GPLD1: variants seen among roughly 807,000 people sequenced by gnomAD.
GPLD1 encodes the protein phosphatidylinositol-glycan-specific phospholipase D.
A neutral mutation model predicts 112.6 loss-of-function variants in GPLD1; 84 were observed. That is an observed-to-expected ratio of 0.75 (90% CI 0.63 to 0.89). The LOEUF (loss-of-function observed/expected upper bound fraction) is 0.89, where lower values mean the gene tolerates loss of function less well. Ranked by LOEUF, GPLD1 falls within the 40% of genes least tolerant of loss-of-function variation. The probability of loss-of-function intolerance (pLI) is 0.00; values close to 1 mark genes in which losing one functional copy is unlikely to be tolerated. For synonymous variants in GPLD1, 386 were observed against 403.8 expected (o/e 0.96, Z 0.53); for missense variants, 1,044 against 1,051.5 (o/e 0.99, Z 0.10).
upstream of GPLD1, chr6:24,495,260 C>A (rs759932020): frequency 9.8e-6 from 15 of 1,532,268 alleles, no homozygotes; most frequent in African/African-American, 1.2e-4. Context: ...CCGCTCTGGG[C>A]ATGGTAGCCG....
At chr6:24,446,799 CCT>C (rs1219118918) in intron 18 of GPLD1, 37 bp downstream of exon 18, 37 of 1,602,688 alleles carry the variant, frequency 2.3e-5, no homozygotes, top group African/African-American at 5.4e-5. Context: ...GGTACCTGCC[CCT>C]GTGTTCATGG....
chr6:24,484,466 T>C (rs960546467), intron 2 of GPLD1, among the ~76,000 whole-genome samples: 2 of 152,216 alleles, frequency 1.3e-5, no homozygotes, highest in East Asian at 1.9e-4. Context: ...TCCACCCACC[T>C]TGGCCTCCCA....
intron 13 of GPLD1, among the ~76,000 whole-genome samples, chr6:24,456,273 C>A (rs1369994739): frequency 6.6e-6 from 1 of 152,024 alleles, no homozygotes; most frequent in African/African-American, 2.4e-5. Context: ...GTGGCGCGCA[C>A]CTGTAACCCC....
chr6:24,434,642 C>T (rs1021708630), intron 22 of GPLD1, among the ~76,000 whole-genome samples: 1 of 151,712 alleles, frequency 6.6e-6, no homozygotes, highest in African/African-American at 2.4e-5. Context: ...TCAAGACCAT[C>T]GTGGCTAACA....
chr6:24,475,025 C>T (rs1763960345), intron 5 of GPLD1, 96 bp downstream of exon 5: 8 of 709,860 alleles, frequency 1.1e-5, no homozygotes, highest in East Asian at 2.5e-5. Context: ...TCTGAATAAC[C>T]TAACATTTTC....
intron 15 of GPLD1, among the ~76,000 whole-genome samples, chr6:24,448,805 C>G (rs1762992370): frequency 6.6e-6 from 1 of 152,150 alleles, no homozygotes; most frequent in South Asian, 2.1e-4. Context: ...CCTGAGGATA[C>G]ACACTGTGCT....
intron 7 of GPLD1, among the ~76,000 whole-genome samples, chr6:24,468,693 A>T (rs1340502132): frequency 6.6e-6 from 1 of 152,108 alleles, no homozygotes; most frequent in Non-Finnish European, 1.5e-5. Flanking sequence ...AGCTGAGACT[A>T]CAGGCATGCG....
chr6:24,437,749 T>C (rs9467152), intron 20 of GPLD1, among the ~76,000 whole-genome samples: 9,330 of 152,190 alleles, frequency 0.061, 663 homozygotes, highest in African/African-American at 0.17. Flanking sequence ...TGTCTTAAAT[T>C]TGGGCCTTTG....
chr6:24,488,619 G>A (rs559328737), intron 1 of GPLD1, among the ~76,000 whole-genome samples: 2 of 146,352 alleles, frequency 1.4e-5, no homozygotes, highest in South Asian at 2.2e-4. Flanking sequence ...AAAAAACATG[G>A]TAGCTATGTG....
At chr6:24,430,639 G>T (rs1207424431) in intron 24 of GPLD1, among the ~76,000 whole-genome samples, 1 of 152,168 alleles carries the variant, frequency 6.6e-6, no homozygotes, top group African/African-American at 2.4e-5. Flanking sequence ...ATTCTAGTTT[G>T]TTACGACTAA....
At chr6:24,470,168 C>T (rs1455435037) in intron 7 of GPLD1, among the ~76,000 whole-genome samples, 1 of 151,910 alleles carries the variant, frequency 6.6e-6, no homozygotes, top group East Asian at 1.9e-4. Context: ...TGGAGTCTCA[C>T]CCTGTCGCCC....
At chr6:24,429,237 T>G in intron 24 of GPLD1, 119 bp from the exon 25 acceptor site, 48 of 525,870 alleles carry the variant, frequency 9.1e-5, no homozygotes, top group Middle Eastern at 2.8e-4. Context: ...ACTGGCCAGA[T>G]CCCCTGGCTT....
intron 20 of GPLD1, among the ~76,000 whole-genome samples, chr6:24,444,359 ATATAG>A (rs1296380674): frequency 2.6e-5 from 4 of 152,130 alleles, no homozygotes; most frequent in South Asian, 2.1e-4. Context: ...ACAATATCAT[ATATAG>A]TATAAGCTTC....
upstream of GPLD1, among the ~76,000 whole-genome samples, chr6:24,493,687 C>T: frequency 6.6e-6 from 1 of 152,200 alleles, no homozygotes. Flanking sequence ...ATTGATTAAA[C>T]TCTACTGTTA....
At chr6:24,440,613 T>C (rs533190468) in intron 20 of GPLD1, among the ~76,000 whole-genome samples, 11 of 114,252 alleles carry the variant, frequency 9.6e-5, no homozygotes, top group African/African-American at 2.9e-4. Flanking sequence ...ATAATCCAGG[T>C]GTTGTGGCAC....
intron 11 of GPLD1, 55 bp downstream of exon 11, chr6:24,462,675 C>G: frequency 2.7e-6 from 3 of 1,096,544 alleles, no homozygotes; most frequent in Non-Finnish European, 4.2e-6. Flanking sequence ...CTCTATAGGG[C>G]ATCTCCTCCA....
intron 12 of GPLD1, among the ~76,000 whole-genome samples, chr6:24,456,917 C>G (rs998501195): frequency 1.3e-5 from 2 of 152,196 alleles, no homozygotes; most frequent in African/African-American, 4.8e-5. Flanking sequence ...TGTCACCAGG[C>G]TGGAGTGCAG....
rs368216690 is a variant in GPLD1 at position 24,472,585 on chromosome 6, C to T, written c.542G>A (p.Arg181His). 2.4e-5 allele frequency: 38 copies of T among 1,576,152 alleles called. No homozygotes were observed. Among genetic ancestry groups the T allele is most frequent in the Middle Eastern group, 1.7e-4 (1 of 6,016 alleles). The change falls in exon 7 of 25, where the codon CGC (arginine) becomes CAC (histidine). Residue 181 changes from arginine (R) to histidine (H), a missense_variant. Transcript: ENST00000230036. ...TTTAGATGTACATTGCTCTTACCAG[C>T]GTCGTGCAAGGTAATTAAAATTAAA... Reference protein sequence around the residue: ...FEFNFNYLARRWYVPVKDLLG... With the variant: ...FEFNFNYLARHWYVPVKDLLG...
chr6:24,482,218 G>A (rs372636974), intron 2 of GPLD1, among the ~76,000 whole-genome samples: 7 of 149,978 alleles, frequency 4.7e-5, no homozygotes, highest in South Asian at 2.1e-4. Context: ...TTCCTGCCTC[G>A]GCCTTCTGAG....
Sources: gnomAD v4.1 joint callset for allele counts (sites outside exome capture counted in the v4.1 genomes callset) on GRCh38, gnomAD v4.1.1 for gene constraint, MANE v1.5 for transcripts, NCBI Gene and HGNC (gene_info 2026-07-23, HGNC 2026-07-21) for gene names.